OR2L13: variants seen among roughly 807,000 people sequenced by gnomAD.
The protein encoded by OR2L13 is olfactory receptor family 2 subfamily L member 13.
OR2L13 carries 14 observed loss-of-function variants against 15.3 expected under a neutral mutation model. That is an observed-to-expected ratio of 0.91 (90% CI 0.60 to 1.43). The LOEUF (loss-of-function observed/expected upper bound fraction) is 1.43, where lower values mean the gene tolerates loss of function less well. Among genes scored for constraint, OR2L13 ranks in the 40% most tolerant of loss-of-function variants. The pLI, the probability that OR2L13 is intolerant of heterozygous loss-of-function variation, is 0.00. For synonymous variants in OR2L13, 152 were observed against 142.9 expected (o/e 1.06, Z -0.45); for missense variants, 367 against 387.9 (o/e 0.95, Z 0.45).
At chr1:248,021,871 C>T in the OR2L13 span, 2 of 1,192,366 alleles carry the variant, frequency 1.7e-6, no homozygotes, top group African/African-American at 1.5e-5. Context: ...TGGAATGCAA[C>T]CCCTGCAGAT....
chr1:248,067,999 G>A, the OR2L13 span, among the ~76,000 whole-genome samples: 2 of 152,208 alleles, frequency 1.3e-5, no homozygotes, highest in African/African-American at 2.4e-5. Flanking sequence ...CGGGAAGCTC[G>A]AACTGGGTGG....
chr1:248,009,889 C>T, the OR2L13 span, among the ~76,000 whole-genome samples: 5 of 152,090 alleles, frequency 3.3e-5, no homozygotes, highest in South Asian at 2.1e-4. Flanking sequence ...TGTAATGCAT[C>T]GCATAAACAG....
chr1:248,014,997 T>C, the OR2L13 span, among the ~76,000 whole-genome samples: 1 of 152,140 alleles, frequency 6.6e-6, no homozygotes, highest in Admixed American at 6.6e-5. Flanking sequence ...TTTCTGTCTA[T>C]CCATGAAAAT....
At chr1:247,993,756 A>G in the OR2L13 span, among the ~76,000 whole-genome samples, 1 of 54,074 alleles carries the variant, frequency 1.8e-5, no homozygotes, top group African/African-American at 8.0e-5. Context: ...AGAGACAGAG[A>G]GAGGGGGAGA....
the OR2L13 span, chr1:248,003,696 T>C: frequency 6.2e-7 from 1 of 1,613,114 alleles, no homozygotes; most frequent in Non-Finnish European, 8.5e-7. Context: ...CTGGCCTGCA[T>C]GGACACCTGG....
the OR2L13 span, among the ~76,000 whole-genome samples, chr1:247,989,604 C>A: frequency 1.3e-5 from 2 of 151,978 alleles, no homozygotes; most frequent in Non-Finnish European, 2.9e-5. Context: ...TTCTGGGTGA[C>A]AAAATAAGAT....
the OR2L13 span, among the ~76,000 whole-genome samples, chr1:248,004,978 T>C: frequency 6.6e-6 from 1 of 151,444 alleles, no homozygotes; most frequent in Non-Finnish European, 1.5e-5. Flanking sequence ...ATGGAACCAG[T>C]GGAAATAGAG....
the OR2L13 span, among the ~76,000 whole-genome samples, chr1:248,075,307 A>G: frequency 6.6e-6 from 1 of 152,216 alleles, no homozygotes; most frequent in Non-Finnish European, 1.5e-5. Flanking sequence ...GTGCCACAAT[A>G]AACATATGTG....
the OR2L13 span, among the ~76,000 whole-genome samples, chr1:247,978,088 T>G: frequency 6.6e-6 from 1 of 152,072 alleles, no homozygotes; most frequent in African/African-American, 2.4e-5. Flanking sequence ...TACAAGAGGA[T>G]TATAAATGTA....
the OR2L13 span, among the ~76,000 whole-genome samples, chr1:248,077,045 G>C: frequency 6.6e-6 from 1 of 152,130 alleles, no homozygotes; most frequent in Non-Finnish European, 1.5e-5. Flanking sequence ...AGAGTGTTTA[G>C]CATGAAGCAC....
At chr1:248,072,049 T>G in the OR2L13 span, among the ~76,000 whole-genome samples, 1 of 151,438 alleles carries the variant, frequency 6.6e-6, no homozygotes. Context: ...ATGGCCATAC[T>G]GCCCAAGGTA....
chr1:247,966,427 G>A, the OR2L13 span: 5 of 1,284,016 alleles, frequency 3.9e-6, no homozygotes, highest in African/African-American at 7.5e-5. Context: ...CACAAAAACA[G>A]TGTTTATCAA....
chr1:247,961,842 G>T, the OR2L13 span, among the ~76,000 whole-genome samples: 4 of 152,054 alleles, frequency 2.6e-5, no homozygotes, highest in Non-Finnish European at 5.9e-5. Flanking sequence ...TACACACTTT[G>T]GCAAAGGCCA....
chr1:247,993,037 G>GTT, the OR2L13 span, among the ~76,000 whole-genome samples: 206 of 151,844 alleles, frequency 1.4e-3, 1 homozygote, highest in Non-Finnish European at 2.1e-3. Flanking sequence ...AGCATCTGGT[G>GTT]TTTTTTTTGA....
the OR2L13 span, among the ~76,000 whole-genome samples, chr1:248,015,100 C>T: frequency 6.6e-6 from 1 of 152,178 alleles, no homozygotes; most frequent in African/African-American, 2.4e-5. Flanking sequence ...AGCACACATA[C>T]ACACAAGCAA....
At chr1:248,045,917 A>G in the OR2L13 span, 1 of 152,196 alleles carries the variant, frequency 6.6e-6, no homozygotes, top group East Asian at 1.9e-4. Context: ...CACAATAAAT[A>G]TGTCAAAATA....
At chr1:248,050,992 T>G in the OR2L13 span, among the ~76,000 whole-genome samples, 2 of 152,196 alleles carry the variant, frequency 1.3e-5, no homozygotes, top group Non-Finnish European at 2.9e-5. Flanking sequence ...AAGGGATCTT[T>G]TATTAGTGCA....
chr1:248,046,427 G>A, the OR2L13 span, among the ~76,000 whole-genome samples: 1 of 152,144 alleles, frequency 6.6e-6, no homozygotes, highest in East Asian at 1.9e-4. Flanking sequence ...TACTGTGGAT[G>A]CCTGAATAAC....
the OR2L13 span, among the ~76,000 whole-genome samples, chr1:247,982,261 C>T: frequency 6.6e-6 from 1 of 152,150 alleles, no homozygotes; most frequent in Non-Finnish European, 1.5e-5. Flanking sequence ...TCAAGAGGAC[C>T]ATCCTCCTTG....
Sources: allele counts gnomAD v4.1 joint callset (sites outside exome capture counted in the v4.1 genomes callset), GRCh38; gene constraint gnomAD v4.1.1; transcripts MANE v1.5; gene names NCBI Gene and HGNC (gene_info 2026-07-23, HGNC 2026-07-21).